Variants in IARS1 observed in about 807,000 individuals in gnomAD.
IARS1 encodes the protein isoleucine--tRNA ligase, cytoplasmic.
In IARS1, 124 loss-of-function variants were observed where a neutral mutation model predicts 168.2. The observed-to-expected ratio is 0.74, with a 90% CI of 0.64 to 0.86. The LOEUF (loss-of-function observed/expected upper bound fraction) is 0.86. IARS1 is among the 40% of genes least tolerant of loss of function. The pLI, the probability that IARS1 is intolerant of heterozygous loss-of-function variation, is 0.00. For synonymous variants in IARS1, 532 were observed against 529.4 expected (o/e 1.00, Z -0.07); for missense variants, 1,452 against 1,515.8 (o/e 0.96, Z 0.70).
At chr9:92,292,555 G>A (rs1836537883) in intron 1 of IARS1, 1 of 155,540 alleles carries the variant, frequency 6.4e-6, no homozygotes, top group African/African-American at 2.4e-5. Flanking sequence ...ATCCACTGGA[G>A]AGCTGTCCAT....
rs1328519843 is a variant in IARS1, at chr9:92,223,531, A to T, written c.3410-42T>A. The T allele has an allele frequency of 3.2e-6, 5 of 1,545,284 alleles. No homozygotes were observed. In the Admixed American group the frequency reaches 8.8e-5, roughly 27 times the overall value. ...CAATTCTTTCAGGGTTAACGAACAA[A>T]TTCAAAACTGAAGTCATTCAATTTT... On this transcript the variant is annotated intron_variant, in intron 31 of 33. Coordinates refer to ENST00000443024, the MANE Select transcript of IARS1 (RefSeq NM_002161.6).
At chr9:92,227,257 T>C (rs1365365882) in intron 31 of IARS1, among the ~76,000 whole-genome samples, 1 of 149,568 alleles carries the variant, frequency 6.7e-6, no homozygotes, top group East Asian at 2.0e-4. Context: ...TCCCCACCTT[T>C]CCCCCCTTTC....
intron 6 of IARS1, among the ~76,000 whole-genome samples, chr9:92,285,243 C>T (rs1564188950): frequency 1.3e-5 from 2 of 152,176 alleles, no homozygotes; most frequent in East Asian, 3.8e-4. Flanking sequence ...TCAAACATGT[C>T]TAAACACCTC....
chr9:92,251,381 TCAAA>T (rs1473148931), intron 22 of IARS1, among the ~76,000 whole-genome samples: 2 of 152,204 alleles, frequency 1.3e-5, no homozygotes, highest in African/African-American at 4.8e-5. Context: ...AGAACATATA[TCAAA>T]CAATTACTTG....
Position 92,223,300 on chromosome 9 carries a change from C to T in IARS1, c.3553+46G>A, listed in dbSNP as rs772640056. 3 of 1,531,478 alleles carry T rather than the reference C, an allele frequency of 2.0e-6. No individual in the cohort carries two copies. In the East Asian group the frequency reaches 6.8e-5, roughly 35 times the overall value. The allele number at this position is 1,531,478 out of a possible 1,614,324, so 94.9% of individuals were successfully genotyped here. A position where few individuals can be genotyped will look rare whatever the true frequency, so the allele number is the denominator to read the frequency against. On this transcript the variant is annotated intron_variant, in intron 32 of 33. Transcript: ENST00000443024. ...CATATTTGAATATTAAAGACAACTTCAATGCCCAGCACCCCACAGTCTGCC... is the reference window on the plus strand; with the variant it reads ...CATATTTGAATATTAAAGACAACTTTAATGCCCAGCACCCCACAGTCTGCC...
At chr9:92,223,880 A>G (rs1043954313) in intron 31 of IARS1, among the ~76,000 whole-genome samples, 3 of 152,262 alleles carry the variant, frequency 2.0e-5, no homozygotes, top group Admixed American at 1.3e-4. Context: ...GCAGATGTGA[A>G]AAAAAGCATG....
chr9:92,278,119 A>C (rs1834021936), intron 8 of IARS1, 80 bp downstream of exon 8: 1 of 1,149,456 alleles, frequency 8.7e-7, no homozygotes, highest in African/African-American at 1.5e-5. Context: ...TTTGGATAAC[A>C]AAGTTTATTT....
chr9:92,247,336 C>T, intron 26 of IARS1, 41 bp downstream of exon 26: 1 of 1,578,340 alleles, frequency 6.3e-7, no homozygotes, highest in Non-Finnish European at 8.6e-7. Flanking sequence ...ATCCCTCAGA[C>T]TCAGGACATA....
intron 26 of IARS1, among the ~76,000 whole-genome samples, chr9:92,246,794 C>A (rs564685622): frequency 2.0e-5 from 3 of 152,218 alleles, no homozygotes; most frequent in Admixed American, 2.0e-4. Context: ...CAGATGTGAG[C>A]CGCTGGGATT....
Position 92,286,573 on chromosome 9 carries a change from A to G in IARS1, c.442T>C (p.Tyr148His). The G allele has an allele frequency of 6.2e-7, 1 of 1,600,982 alleles. No individual in the cohort carries two copies. Among genetic ancestry groups the G allele is most frequent in the African/African-American group, 1.3e-5 (1 of 74,794 alleles). ...ATGAATTGTGGATACAGAGTTTTAT[A>G]GTCATTGTCAAAGTCAATCCATCGG... ...LGRWIDFDND[Y>H]KTLYPQFMES... is the part of the protein sequence containing the mutation. The change falls in exon 5 of 34, where the codon TAT (tyrosine) becomes CAT (histidine). Residue 148 changes from tyrosine to histidine, a missense_variant. Tyr to His is a moderately conservative substitution (Grantham distance 83, BLOSUM62 2). Transcript: ENST00000443024.
chr9:92,265,185 T>C (rs1381626760), intron 15 of IARS1, 62 bp from the exon 16 acceptor site: 3 of 1,396,204 alleles, frequency 2.1e-6, no homozygotes, highest in East Asian at 2.4e-5. Flanking sequence ...TGCAGTTTAA[T>C]TGCTAATAGG....
intron 6 of IARS1, among the ~76,000 whole-genome samples, chr9:92,284,416 G>A (rs1396726163): frequency 2.0e-5 from 3 of 152,160 alleles, no homozygotes; most frequent in Non-Finnish European, 4.4e-5. Flanking sequence ...GGCCTTAATG[G>A]GCCTACAGAA....
At chr9:92,247,669 T>C (rs1214938841) in intron 25 of IARS1, 118 bp from the exon 26 acceptor site, 5 of 808,494 alleles carry the variant, frequency 6.2e-6, no homozygotes, top group Non-Finnish European at 9.7e-6. Flanking sequence ...ACTTCAAGTG[T>C]CCATCAACTG....
chr9:92,264,414 A>G (rs1351845939), intron 16 of IARS1, among the ~76,000 whole-genome samples: 1 of 152,132 alleles, frequency 6.6e-6, no homozygotes, highest in African/African-American at 2.4e-5. Context: ...CCTTCTTCCA[A>G]TTAAGGAACT....
At chr9:92,250,959 G>A in intron 22 of IARS1, 125 bp from the exon 23 acceptor site, 1 of 1,037,438 alleles carries the variant, frequency 9.6e-7, no homozygotes, top group Non-Finnish European at 1.4e-6. Context: ...ATGAGCATGA[G>A]GTTACAAAAC....
chr9:92,283,808 C>T (rs1835017432), intron 6 of IARS1, among the ~76,000 whole-genome samples: 1 of 152,104 alleles, frequency 6.6e-6, no homozygotes, highest in Admixed American at 6.5e-5. Flanking sequence ...AATATAACCC[C>T]TTGGGAAATG....
At chr9:92,249,992 C>T (rs754098986) in intron 24 of IARS1, 51 bp from the exon 25 acceptor site, 3 of 1,084,158 alleles carry the variant, frequency 2.8e-6, no homozygotes, top group African/African-American at 3.1e-5. Flanking sequence ...TCCTCTAAAA[C>T]TGCAGAAAAA....
At chr9:92,261,203 G>A (rs1274383466) in intron 17 of IARS1, among the ~76,000 whole-genome samples, 2 of 152,032 alleles carry the variant, frequency 1.3e-5, no homozygotes, top group Non-Finnish European at 2.9e-5. Flanking sequence ...CAGCTACTCG[G>A]GAGGCTGAGA....
chr9:92,222,719 C>G, intron 32 of IARS1, 47 bp from the exon 33 acceptor site: 1 of 1,605,022 alleles, frequency 6.2e-7, no homozygotes, highest in Non-Finnish European at 8.5e-7. Context: ...AGTTCACCCT[C>G]TAGCTCCAAA....
Sources: gnomAD v4.1 joint callset for allele counts (sites outside exome capture counted in the v4.1 genomes callset) on GRCh38, gnomAD v4.1.1 for gene constraint, MANE v1.5 for transcripts, NCBI Gene and HGNC (gene_info 2026-07-23, HGNC 2026-07-21) for gene names.